The following TMEM132D variants were observed in gnomAD, a reference collection of about 807,000 sequenced individuals.
TMEM132D encodes mature OL transmembrane protein.
TMEM132D carries 21 observed loss-of-function variants against 62.3 expected under a neutral mutation model. The observed-to-expected ratio is 0.34, with a 90% CI of 0.24 to 0.49. The LOEUF (loss-of-function observed/expected upper bound fraction) is 0.49, where lower values mean the gene tolerates loss of function less well. TMEM132D is among the 20% of genes least tolerant of loss of function. The pLI is 0.99. For synonymous variants in TMEM132D, 621 were observed against 575.6 expected, an observed-to-expected ratio of 1.08 and a Z score of -1.13; for missense variants, 1,346 against 1,402.8, an observed-to-expected ratio of 0.96 and a Z score of 0.65.
At chr12:129,148,777 G>A (rs2135534310) in intron 5 of TMEM132D, among the ~76,000 whole-genome samples, 1 of 152,312 alleles carries the variant, frequency 6.6e-6, no homozygotes, top group South Asian at 2.1e-4. Flanking sequence ...TGCCAGGGCT[G>A]GTAAGGTGAC....
At chr12:129,438,503 A>G (rs1337848318) in intron 3 of TMEM132D, among the ~76,000 whole-genome samples, 1 of 152,228 alleles carries the variant, frequency 6.6e-6, no homozygotes, top group Non-Finnish European at 1.5e-5. Context: ...TTTTGATGAA[A>G]AGAAACCAGG....
At chr12:129,315,998 A>T (rs560821811) in intron 4 of TMEM132D, among the ~76,000 whole-genome samples, 1 of 151,798 alleles carries the variant, frequency 6.6e-6, no homozygotes, top group Non-Finnish European at 1.5e-5. Context: ...CTCTTGTTTC[A>T]TTTCTTCGTG....
chr12:129,500,935 T>C (rs574234300), intron 3 of TMEM132D, among the ~76,000 whole-genome samples: 3 of 152,322 alleles, frequency 2.0e-5, no homozygotes, highest in Admixed American at 2.0e-4. Context: ...ACTGGGCAAG[T>C]AAAATGAGCT....
chr12:129,889,402 C>A (rs1012239836), intron 1 of TMEM132D, among the ~76,000 whole-genome samples: 1 of 152,168 alleles, frequency 6.6e-6, no homozygotes, highest in African/African-American at 2.4e-5. Context: ...CTTGAACCCT[C>A]CTTTCCCCAG....
At chr12:129,362,118 C>A (rs899326859) in intron 3 of TMEM132D, among the ~76,000 whole-genome samples, 1 of 152,166 alleles carries the variant, frequency 6.6e-6, no homozygotes, top group African/African-American at 2.4e-5. Context: ...CGATAAAATA[C>A]CTTATCTTTT....
At position 129,078,549 on chromosome 12, in the gene TMEM132D, C is replaced by T. The variant is rs1295170637; in HGVS notation, c.2100G>A (p.Leu700=). 1.2e-6 allele frequency: 2 copies of T among 1,613,822 alleles called. No homozygotes were observed. The highest frequency in any genetic ancestry group is 1.7e-6 in the Non-Finnish European group (2 of 1,179,960). ...TCCTCCATACCTGTTTTGGCCTCTG[C>T]AGAAGTTCCTGAGCCACTGCAGTGG... The part of the protein sequence containing the change: ...IFATAVAQEL[L]QRPKQEAAIS... Residue 700 remains leucine, a synonymous_variant, in exon 8 of 9, where the codon CTG becomes CTA. Transcript: ENST00000422113.
At chr12:129,081,631 T>C (rs974714733) in intron 7 of TMEM132D, 128 bp downstream of exon 7, 2 of 1,351,130 alleles carry the variant, frequency 1.5e-6, no homozygotes, top group Admixed American at 5.5e-5. Context: ...CACAATTTCT[T>C]TGAATTTACC....
At chr12:129,598,493 T>C (rs2137140692) in intron 2 of TMEM132D, among the ~76,000 whole-genome samples, 1 of 152,308 alleles carries the variant, frequency 6.6e-6, no homozygotes, top group Non-Finnish European at 1.5e-5. Flanking sequence ...AGATGATGTG[T>C]TTGGATTTTC....
chr12:129,593,029 G>A (rs1878237957), intron 2 of TMEM132D, among the ~76,000 whole-genome samples: 1 of 152,132 alleles, frequency 6.6e-6, no homozygotes, highest in African/African-American at 2.4e-5. Flanking sequence ...ATGCCACATG[G>A]AGGTATGGAA....
intron 2 of TMEM132D, among the ~76,000 whole-genome samples, chr12:129,640,399 T>TCTTCTA (rs1472374682): frequency 6.6e-6 from 1 of 152,216 alleles, no homozygotes; most frequent in Non-Finnish European, 1.5e-5. Flanking sequence ...ATGGGATGCT[T>TCTTCTA]CTTCTACCCT....
intron 3 of TMEM132D, among the ~76,000 whole-genome samples, chr12:129,382,010 T>C (rs939827807): frequency 7.9e-5 from 12 of 152,228 alleles, no homozygotes; most frequent in African/African-American, 2.4e-4. Context: ...CTGTGTGCAA[T>C]TGTAGATCAT....
chr12:129,228,240 C>T (rs113309717), intron 4 of TMEM132D, among the ~76,000 whole-genome samples: 3 of 152,216 alleles, frequency 2.0e-5, no homozygotes, highest in African/African-American at 7.2e-5. Context: ...GGGAGTGGTG[C>T]GGAACCCACA....
chr12:129,466,280 T>TG (rs1192077128), intron 3 of TMEM132D, among the ~76,000 whole-genome samples: 55 of 332 alleles, frequency 0.17, 23 homozygotes, highest in Non-Finnish European at 0.38. Flanking sequence ...AGATTTTTCC[T>TG]TTTTTTTTTT....
chr12:129,377,658 C>T (rs1870822597), intron 3 of TMEM132D, among the ~76,000 whole-genome samples: 1 of 152,158 alleles, frequency 6.6e-6, no homozygotes, highest in African/African-American at 2.4e-5. Flanking sequence ...AACTGTGTAT[C>T]TCTCCAGGAA....
chr12:129,422,890 ATG>A lies in TMEM132D; in HGVS notation c.1116-85075_1116-85074del, dbSNP rs1226447807. On this transcript the variant is annotated intron_variant, in intron 3 of 8. Transcript: ENST00000422113. ...TACATATATGTGTATATATATATAT[ATG>A]TATACATATACGTATTATGTATACA... Among the ~76,000 whole-genome samples, 214 of 146,028 alleles carry A rather than the reference ATG, an allele frequency of 1.5e-3. 2 individuals are homozygous for A. The highest frequency in any genetic ancestry group is 4.8e-3 in the African/African-American group (194 of 40,056).
chr12:129,861,392 C>T (rs1873890877), intron 1 of TMEM132D, among the ~76,000 whole-genome samples: 2 of 152,110 alleles, frequency 1.3e-5, no homozygotes, highest in South Asian at 2.1e-4. Context: ...TAAACCTCCT[C>T]GGTAAAACCA....
chr12:129,727,602 A>G (rs887552108), intron 1 of TMEM132D, among the ~76,000 whole-genome samples: 5 of 152,176 alleles, frequency 3.3e-5, no homozygotes, highest in Non-Finnish European at 7.3e-5. Flanking sequence ...GAGAGAGGGC[A>G]AGAGGGAGAG....
chr12:129,089,185 A>G lies in TMEM132D; in HGVS notation c.1444-4483T>C, dbSNP rs368526983. On this transcript the variant is annotated intron_variant, in intron 5 of 8. Coordinates refer to ENST00000422113, the MANE Select transcript of TMEM132D (RefSeq NM_133448.3). ...TGACCGGGTGTCCTCCATGACCGGG[A>G]TGTCCTCCATGACCGGGTGTCCTCT... Among the ~76,000 whole-genome samples, 19 of 19,014 alleles carry G rather than the reference A, an allele frequency of 1.0e-3. 4 individuals are homozygous for G. Among genetic ancestry groups the G allele is most frequent in the African/African-American group, 7.9e-3 (15 of 1,910 alleles). 12.5% of individuals were successfully genotyped at this position (19,014 alleles called of 152,430 possible).
At chr12:129,203,080 AC>A (rs1565996073) in intron 5 of TMEM132D, among the ~76,000 whole-genome samples, 1 of 152,184 alleles carries the variant, frequency 6.6e-6, no homozygotes, top group East Asian at 1.9e-4. Flanking sequence ...ACCTAACTGC[AC>A]GTTCAACCAC....
Sources: allele counts gnomAD v4.1 joint callset (sites outside exome capture counted in the v4.1 genomes callset), GRCh38; gene constraint gnomAD v4.1.1; transcripts MANE v1.5; gene names NCBI Gene and HGNC (gene_info 2026-07-23, HGNC 2026-07-21).